The following WDR90 variants were observed in gnomAD, a reference collection of about 807,000 sequenced individuals.
The protein encoded by WDR90 is WD repeat domain 90.
Under a neutral mutation model 195.2 loss-of-function variants are expected in WDR90, and 238 were observed. That is an observed-to-expected ratio of 1.22 (90% CI 1.10 to 1.36). WDR90 has a LOEUF of 1.36. WDR90 is among the 40% of genes most tolerant of loss of function. WDR90 has a pLI of 0.00. For synonymous variants in WDR90, 1,265 were observed against 1,052.4 expected, an observed-to-expected ratio of 1.20 and a Z score of -3.91; for missense variants, 2,734 against 2,439.5, an observed-to-expected ratio of 1.12 and a Z score of -2.54.
chr16:666,008 T>C lies in WDR90; in HGVS notation c.4493T>C (p.Leu1498Pro). 1 of 1,603,986 alleles carries C rather than the reference T, an allele frequency of 6.2e-7. No homozygotes were observed. The highest frequency in any genetic ancestry group is 1.1e-5 in the South Asian group (1 of 91,060). The change falls in exon 36 of 41, where the codon CTA becomes CCA. Residue 1498 changes from leucine (L) to proline (P), a missense_variant. Transcript: ENST00000293879. ...PCCGRPEQQR[L>P]AAGYGDGSLR... ...TGTGGCCGCCCTGAGCAGCAGCGGC[T>C]AGCGGCTGGCTACGGTGACGGCTCC...
chr16:664,681 T>G (rs1252095853), intron 34 of WDR90, among the ~76,000 whole-genome samples: 2 of 150,030 alleles, frequency 1.3e-5, no homozygotes, highest in African/African-American at 5.0e-5. Flanking sequence ...TCAGCTGAAC[T>G]GAATTTTTTT....
chr16:653,825 G>A, intron 13 of WDR90, 22 bp downstream of exon 13: 1 of 1,612,716 alleles, frequency 6.2e-7, no homozygotes, highest in Non-Finnish European at 8.5e-7. Context: ...CTGGCTGCGG[G>A]TTGGGGTGGG....
chr16:661,201 C>G, intron 29 of WDR90, 29 bp downstream of exon 29: 1 of 1,522,080 alleles, frequency 6.6e-7, no homozygotes, highest in South Asian at 1.2e-5. Flanking sequence ...CTCCTCCTCT[C>G]CCAGGGCCAC....
At chr16:651,600 C>A in intron 7 of WDR90, 44 bp from the exon 8 acceptor site, 1 of 1,590,888 alleles carries the variant, frequency 6.3e-7, no homozygotes, top group Non-Finnish European at 8.6e-7. Context: ...CAGGCATCTG[C>A]ACAGCTGGCC....
In WDR90 at chr16:656,768, G is replaced by A. The variant is rs369049224; in HGVS notation, c.2239G>A (p.Ala747Thr). ...CACATCATCAGAGGACGCCCCGTGC[G>A]CTGTCACCTTCCACCCCACAAGGCC... ...DFTSSEDAPC[A>T]VTFHPTRPTF... The change falls in exon 19 of 41, where the codon GCT becomes ACT. Residue 747 changes from alanine (A) to threonine (T), a missense_variant. Transcript: ENST00000293879. The A allele has an allele frequency of 6.3e-5, 102 of 1,613,256 alleles. No homozygotes were observed. The highest frequency in any genetic ancestry group is 9.3e-5 in the African/African-American group (7 of 75,060).
chr16:650,453 C>A, intron 4 of WDR90, 86 bp from the exon 5 acceptor site: 1 of 1,588,868 alleles, frequency 6.3e-7, no homozygotes, highest in Non-Finnish European at 8.6e-7. Context: ...GCCTGGAGGA[C>A]AACCTGGCGG....
At position 662,266 on chromosome 16, in the gene WDR90, G is replaced by A. The variant is rs779927409; in HGVS notation, c.4080G>A (p.Thr1360=). The A allele has an allele frequency of 1.3e-6, 2 of 1,585,736 alleles. No individual in the cohort carries two copies. Among genetic ancestry groups the A allele is most frequent in the Non-Finnish European group, 1.7e-6 (2 of 1,167,310 alleles). ...CTCGATTGGTCAGCGGCAGCAGCAC[G>A]GGGCGGCTGCGCCTGTGGGCCGTGG... The part of the protein sequence containing the change: ...SGSRLVSGSS[T]GRLRLWAVGA... The change falls in exon 33 of 41, where the codon ACG becomes ACA. Residue 1360 remains threonine (T), a synonymous_variant. Coordinates refer to ENST00000293879, the MANE Select transcript of WDR90 (RefSeq NM_145294.5).
Position 666,308 on chromosome 16 carries a change from C to T in WDR90, c.4698C>T (p.His1566=). 6.2e-7 allele frequency: 1 copy of T among 1,612,750 alleles called. No homozygotes were observed. Among genetic ancestry groups the T allele is most frequent in the Non-Finnish European group, 8.5e-7 (1 of 1,179,992 alleles). Residue 1566 remains histidine, a synonymous_variant, in exon 37 of 41, where the codon CAC becomes CAT. Transcript: ENST00000293879. Reference sequence around the variant, plus strand: ...CAACCTTCCGTGTGCTGAGTGACCACCAGGGCGCCCCAATCTCTACCATCT... The same window carrying T: ...CAACCTTCCGTGTGCTGAGTGACCATCAGGGCGCCCCAATCTCTACCATCT... ...TGTTFRVLSD[H]QGAPISTICV...
chr16:650,588 C>G lies in WDR90; in HGVS notation c.438C>G (p.Leu146=), dbSNP rs1463564017. ...PSGARWTCLQ[L]DLQDVLLVYL... Reference sequence around the variant, plus strand: ...GAGCCCGCTGGACCTGCCTGCAGCTCGATCTGCAGGACGTTCTCCTGGTCT... The same window carrying G: ...GAGCCCGCTGGACCTGCCTGCAGCTGGATCTGCAGGACGTTCTCCTGGTCT... Residue 146 remains leucine (L), a synonymous_variant, in exon 5 of 41, where the codon CTC becomes CTG. Coordinates refer to ENST00000293879, the MANE Select transcript of WDR90 (RefSeq NM_145294.5). 4 of 1,612,410 alleles carry G rather than the reference C, an allele frequency of 2.5e-6. No individual in the cohort carries two copies. The highest frequency in any genetic ancestry group is 4.5e-5 in the East Asian group (2 of 44,870).
At chr16:651,351 A>G in intron 7 of WDR90, 85 bp downstream of exon 7, 1 of 1,480,868 alleles carries the variant, frequency 6.8e-7, no homozygotes, top group African/African-American at 1.4e-5. Context: ...CTGGGAAAGG[A>G]CCCAGTGGTG....
rs1215136017 is a variant in WDR90 at position 666,902 on chromosome 16, CAGGTGGTGGAGAAGA to C, written c.5005-2_5017del. 3 of 1,613,172 alleles carry C rather than the reference CAGGTGGTGGAGAAGA, an allele frequency of 1.9e-6. No individual in the cohort carries two copies. Among genetic ancestry groups the C allele is most frequent in the Non-Finnish European group, 2.5e-6 (3 of 1,179,936 alleles). Reference sequence around the variant, plus strand: ...CCTGGAGCCTCACGCTGGCTGCTCACAGGTGGTGGAGAAGATACCACTGCCCTTTTTTGCCATGTC... The same window carrying C: ...CCTGGAGCCTCACGCTGGCTGCTCACTACCACTGCCCTTTTTTGCCATGTC... On this transcript the variant is annotated splice_acceptor_variant and coding_sequence_variant, in exon 40 of 41. Coordinates refer to ENST00000293879, the MANE Select transcript of WDR90 (RefSeq NM_145294.5). LOFTEE classifies it high-confidence loss of function.
chr16:660,018 G>C, intron 26 of WDR90, 40 bp from the exon 27 acceptor site: 1 of 1,445,982 alleles, frequency 6.9e-7, no homozygotes, highest in Non-Finnish European at 9.4e-7. Flanking sequence ...GAAGAGCTCA[G>C]GGCAGTGTAA....
At chr16:659,194 A>G in intron 25 of WDR90, 51 bp from the exon 26 acceptor site, 1 of 1,610,306 alleles carries the variant, frequency 6.2e-7, no homozygotes, top group Middle Eastern at 1.7e-4. Flanking sequence ...GTGTCTGCCT[A>G]GTGGCCCTTC....
intron 33 of WDR90, 58 bp downstream of exon 33, chr16:662,389 G>T: frequency 6.5e-7 from 1 of 1,529,204 alleles, no homozygotes; most frequent in Non-Finnish European, 8.8e-7. Flanking sequence ...TCCCTGACTG[G>T]GGCTTGCAGC....
At chr16:662,470 GGT>G in intron 33 of WDR90, 139 bp downstream of exon 33, 1 of 1,252,774 alleles carries the variant, frequency 8.0e-7, no homozygotes, top group South Asian at 1.4e-5. Context: ...GACAGGCTTG[GGT>G]GTGGCCTGGG....
chr16:656,403 C>T lies in WDR90; in HGVS notation c.2068C>T (p.Arg690Trp), dbSNP rs373593925. 202 of 1,608,154 alleles carry T rather than the reference C, an allele frequency of 1.3e-4. No homozygotes were observed. The highest frequency in any genetic ancestry group is 2.5e-4 in the South Asian group (23 of 90,632). The change falls in exon 18 of 41, where the codon CGG becomes TGG. Residue 690 changes from arginine (R) to tryptophan (W), a missense_variant. Arg to Trp is a moderately radical substitution (Grantham distance 101, BLOSUM62 -3). Transcript: ENST00000293879. ...CCTGGGCTTCCTGGACACGCTGTCCCGGGTGTACCACATGCTGGCTCGCTC... is the reference window on the plus strand; with the variant it reads ...CCTGGGCTTCCTGGACACGCTGTCCTGGGTGTACCACATGCTGGCTCGCTC... ...GHLGFLDTLS[R>W]VYHMLARSHT...
At position 650,298 on chromosome 16, in the gene WDR90, G is replaced by A. The variant is rs1374889937; in HGVS notation, c.324G>A (p.Glu108=). The part of the protein sequence containing the change: ...IRVSFSNLFK[E]FKSTATWLQF... ...TGTCTTTCTCCAACCTCTTCAAGGA[G>A]TTTAAGTCTACGGCCACGTGGCTCC... is the stretch of plus-strand genomic sequence containing the variant. Residue 108 remains glutamate (E), a synonymous_variant, in exon 4 of 41, where the codon GAG becomes GAA. Coordinates refer to ENST00000293879, the MANE Select transcript of WDR90 (RefSeq NM_145294.5). The A allele has an allele frequency of 1.2e-6, 2 of 1,612,942 alleles. No homozygotes were observed. Among genetic ancestry groups the A allele is most frequent in the Admixed American group, 3.3e-5 (2 of 60,014 alleles).
At chr16:667,330 C>A in intron 40 of WDR90, 102 bp from the exon 41 acceptor site, 1 of 1,461,482 alleles carries the variant, frequency 6.8e-7, no homozygotes, top group Non-Finnish European at 9.1e-7. Flanking sequence ...CCAGCTCCCC[C>A]GACCAGCATC....
Position 653,669 on chromosome 16 carries a change from A to C in WDR90, c.1378A>C (p.Ser460Arg). The C allele has an allele frequency of 6.2e-7, 1 of 1,613,344 alleles. No individual in the cohort carries two copies. The stretch of plus-strand genomic sequence containing the variant: ...CCCAATGCACGTTGTCTGCTCTCTC[A>C]GGTGAGCACAGGTCTGCCCCATGCA... ...RSPMHVVCSL[S>R]FSDSGALLCG... Residue 460 changes from serine to arginine, a missense_variant and splice_region_variant, in exon 12 of 41, where the codon AGC (serine) becomes CGC (arginine). Ser to Arg is a moderately radical substitution (Grantham distance 110). Transcript: ENST00000293879.
Sources: gnomAD v4.1 joint callset for allele counts (sites outside exome capture counted in the v4.1 genomes callset) on GRCh38, gnomAD v4.1.1 for gene constraint, MANE v1.5 for transcripts, NCBI Gene and HGNC (gene_info 2026-07-23, HGNC 2026-07-21) for gene names.